Variants in KIF16B observed in about 807,000 individuals in gnomAD.
The protein encoded by KIF16B is kinesin-like protein KIF16B.
Under a neutral mutation model 156.3 loss-of-function variants are expected in KIF16B, and 98 were observed. That is an observed-to-expected ratio of 0.63 (90% CI 0.53 to 0.74). KIF16B has a LOEUF of 0.74. Among genes scored for constraint, KIF16B ranks in the 30% least tolerant of loss-of-function variants. The probability of loss-of-function intolerance (pLI) is 0.00; values close to 1 mark genes in which losing one functional copy is unlikely to be tolerated. For synonymous variants in KIF16B, 564 were observed against 583.7 expected, an observed-to-expected ratio of 0.97 and a Z score of 0.49; for missense variants, 1,421 against 1,606.5, an observed-to-expected ratio of 0.88 and a Z score of 1.97.
At chr20:16,557,141 TTA>T (rs1229896450) in intron 1 of KIF16B, among the ~76,000 whole-genome samples, 8 of 129,950 alleles carry the variant, frequency 6.2e-5, no homozygotes, top group Non-Finnish European at 1.1e-4. Flanking sequence ...ACTATATATA[TTA>T]ATACTATATA....
At chr20:16,380,255 C>T in intron 18 of KIF16B, 92 bp from the exon 19 acceptor site, 2 of 1,138,080 alleles carry the variant, frequency 1.8e-6, no homozygotes, top group East Asian at 2.8e-5. Context: ...CACATACAAC[C>T]AGGTCAAAGC....
chr20:16,337,862 G>T (rs1457771526), intron 23 of KIF16B, among the ~76,000 whole-genome samples: 2 of 152,230 alleles, frequency 1.3e-5, no homozygotes, highest in Non-Finnish European at 2.9e-5. Context: ...TTCCAACAGG[G>T]CATGCTGCAG....
At chr20:16,312,107 T>G (rs995994958) in intron 25 of KIF16B, among the ~76,000 whole-genome samples, 1 of 152,232 alleles carries the variant, frequency 6.6e-6, no homozygotes, top group Non-Finnish European at 1.5e-5. Flanking sequence ...TAAATGCATC[T>G]TCTTAAAAAT....
At chr20:16,324,677 C>CA (rs2063817825) in intron 24 of KIF16B, among the ~76,000 whole-genome samples, 1 of 151,870 alleles carries the variant, frequency 6.6e-6, no homozygotes, top group Admixed American at 6.6e-5. Flanking sequence ...TGGTGCTTTA[C>CA]ACTAATGAAA....
At chr20:16,352,551 G>C (rs781411524) in intron 23 of KIF16B, among the ~76,000 whole-genome samples, 1 of 152,106 alleles carries the variant, frequency 6.6e-6, no homozygotes, top group Non-Finnish European at 1.5e-5. Flanking sequence ...GAAATCACAC[G>C]CCCTGTGTCG....
chr20:16,416,716 C>T (rs2066097562), intron 15 of KIF16B, among the ~76,000 whole-genome samples: 1 of 147,506 alleles, frequency 6.8e-6, no homozygotes, highest in African/African-American at 2.6e-5. Context: ...CATATGTACC[C>T]CAGAACTTTA....
chr20:16,349,345 G>A (rs754559981), intron 23 of KIF16B, among the ~76,000 whole-genome samples: 34 of 152,076 alleles, frequency 2.2e-4, no homozygotes, highest in South Asian at 8.3e-4. Flanking sequence ...CTTTCTGTAC[G>A]GTGCAGTTGG....
chr20:16,291,007 GA>G (rs143235551), intron 25 of KIF16B, among the ~76,000 whole-genome samples: 2,224 of 152,108 alleles, frequency 0.015, 65 homozygotes, highest in African/African-American at 0.051. Flanking sequence ...AGCTAAAAAA[GA>G]AAAAGAAAAA....
At chr20:16,570,648 T>C (rs2122219043) in intron 1 of KIF16B, among the ~76,000 whole-genome samples, 1 of 152,322 alleles carries the variant, frequency 6.6e-6, no homozygotes, top group South Asian at 2.1e-4. Context: ...TCCTTAAAAG[T>C]ACTGTTGGGA....
chr20:16,466,693 G>A (rs749494174), intron 12 of KIF16B, among the ~76,000 whole-genome samples: 7 of 152,198 alleles, frequency 4.6e-5, no homozygotes, highest in Non-Finnish European at 7.3e-5. Context: ...CCAGTCTTGA[G>A]TATATCTTTA....
Position 16,335,826 on chromosome 20 carries a change from AAG to A in KIF16B, c.3711+98_3711+99del, listed in dbSNP as rs1302525983. On this transcript the variant is annotated intron_variant, in intron 24 of 25. Transcript: ENST00000354981. The stretch of plus-strand genomic sequence containing the variant: ...GTGACACTAATAAGCTAGTATCTGA[AAG>A]AGAGAGACAGAGAGAGAGATAACAT... 1.6e-5 allele frequency: 11 copies of A among 704,248 alleles called. No homozygotes were observed. The Admixed American group carries it at 2.3e-4, about 15-fold the overall frequency. 43.6% of individuals were successfully genotyped at this position (704,248 alleles called of 1,614,324 possible).
intron 22 of KIF16B, among the ~76,000 whole-genome samples, chr20:16,363,448 G>A (rs1459254269): frequency 1.3e-5 from 2 of 152,138 alleles, no homozygotes; most frequent in Admixed American, 6.5e-5. Flanking sequence ...AGAGCTTTGG[G>A]AACCTTGACA....
At chr20:16,505,998 G>A (rs2068764644) in intron 8 of KIF16B, 24 bp downstream of exon 8, 2 of 1,612,984 alleles carry the variant, frequency 1.2e-6, no homozygotes. Flanking sequence ...AAACAGAGGA[G>A]GCAGGAGCCA....
At chr20:16,555,072 C>G (rs2070798520) in intron 1 of KIF16B, among the ~76,000 whole-genome samples, 1 of 152,218 alleles carries the variant, frequency 6.6e-6, no homozygotes, top group African/African-American at 2.4e-5. Context: ...CTGAGCAAAA[C>G]TTGGGCAAAG....
chr20:16,516,660 A>G (rs2069153319), intron 3 of KIF16B, among the ~76,000 whole-genome samples: 2 of 152,184 alleles, frequency 1.3e-5, no homozygotes, highest in African/African-American at 2.4e-5. Context: ...TCGGTCTATG[A>G]GTGACACCAC....
chr20:16,526,789 T>C (rs1468136060), intron 2 of KIF16B, among the ~76,000 whole-genome samples: 1 of 152,226 alleles, frequency 6.6e-6, no homozygotes, highest in East Asian at 1.9e-4. Flanking sequence ...CTCAGAACCA[T>C]GTTTTAACAT....
At chr20:16,477,705 G>C (rs1265759557) in intron 12 of KIF16B, among the ~76,000 whole-genome samples, 1 of 152,144 alleles carries the variant, frequency 6.6e-6, no homozygotes, top group African/African-American at 2.4e-5. Flanking sequence ...AGTTTTCTAA[G>C]ATGAAGAAAG....
intron 25 of KIF16B, among the ~76,000 whole-genome samples, chr20:16,284,396 C>T (rs990215420): frequency 1.3e-5 from 2 of 152,206 alleles, no homozygotes; most frequent in African/African-American, 4.8e-5. Flanking sequence ...AAGCCTCAAC[C>T]TTTTACTTTT....
intron 12 of KIF16B, among the ~76,000 whole-genome samples, chr20:16,451,120 T>C (rs1344555832): frequency 1.3e-5 from 2 of 152,192 alleles, no homozygotes; most frequent in East Asian, 1.9e-4. Flanking sequence ...CAAGCTCATA[T>C]AGAATGTACG....
Sources: gnomAD v4.1 joint callset for allele counts (sites outside exome capture counted in the v4.1 genomes callset) on GRCh38, gnomAD v4.1.1 for gene constraint, MANE v1.5 for transcripts, NCBI Gene and HGNC (gene_info 2026-07-23, HGNC 2026-07-21) for gene names.